Variants in FRMD4A observed in about 807,000 individuals in gnomAD.
The protein encoded by FRMD4A is FERM domain containing 4A.
In FRMD4A, 29 loss-of-function variants were observed where a neutral mutation model predicts 129.1. The ratio of observed to expected loss-of-function variants is 0.22; its 90% CI spans 0.17 to 0.31. The LOEUF (loss-of-function observed/expected upper bound fraction) is 0.31, where lower values mean the gene tolerates loss of function less well. FRMD4A is among the 10% of genes least tolerant of loss of function. FRMD4A has a pLI of 1.00. For missense variants in FRMD4A, 1,272 were observed against 1,375.8 expected (o/e 0.92, Z 1.19); for synonymous variants, 634 against 571.6 (o/e 1.11, Z -1.56).
intron 2 of FRMD4A, among the ~76,000 whole-genome samples, chr10:14,318,162 C>G (rs1445934052): frequency 6.6e-6 from 1 of 152,112 alleles, no homozygotes; most frequent in African/African-American, 2.4e-5. Context: ...TAATGACCAA[C>G]TAGGTTAATG....
intron 2 of FRMD4A, among the ~76,000 whole-genome samples, chr10:14,313,503 C>G (rs1292514881): frequency 6.6e-6 from 1 of 152,214 alleles, no homozygotes; most frequent in Non-Finnish European, 1.5e-5. Context: ...CATATTGCCT[C>G]TTTGTGTACA....
chr10:13,682,661 C>T (rs2018835), intron 15 of FRMD4A, among the ~76,000 whole-genome samples: 35,214 of 151,690 alleles, frequency 0.23, 4,948 homozygotes, highest in East Asian at 0.48. Flanking sequence ...CCACCACGCC[C>T]GGCTAATTTT....
intron 2 of FRMD4A, among the ~76,000 whole-genome samples, chr10:14,293,378 T>A (rs1266605264): frequency 2.0e-5 from 3 of 152,174 alleles, no homozygotes; most frequent in Non-Finnish European, 4.4e-5. Context: ...CCTCCAGAAC[T>A]GTGAGCCAAA....
chr10:13,690,560 C>T (rs1589392329), intron 15 of FRMD4A, among the ~76,000 whole-genome samples: 1 of 152,250 alleles, frequency 6.6e-6, no homozygotes, highest in South Asian at 2.1e-4. Context: ...GGAGCCTCCA[C>T]CCTGGCACTA....
intron 21 of FRMD4A, among the ~76,000 whole-genome samples, chr10:13,657,792 T>TTTTTTTG (rs2082300782): frequency 6.7e-6 from 1 of 150,246 alleles, no homozygotes; most frequent in African/African-American, 2.4e-5. Context: ...TTCTGGGTTT[T>TTTTTTTG]TTTTTTTTTT....
intron 2 of FRMD4A, among the ~76,000 whole-genome samples, chr10:13,969,981 T>C (rs988548209): frequency 7.9e-5 from 12 of 152,194 alleles, no homozygotes; most frequent in Non-Finnish European, 1.5e-5. Context: ...CATACCCAGC[T>C]TGGGGACTTT....
At chr10:13,994,769 G>C (rs1441748104) in intron 2 of FRMD4A, among the ~76,000 whole-genome samples, 1 of 152,154 alleles carries the variant, frequency 6.6e-6, no homozygotes, top group Non-Finnish European at 1.5e-5. Flanking sequence ...TGTAAAGTTA[G>C]AAGATCCAGG....
intron 2 of FRMD4A, among the ~76,000 whole-genome samples, chr10:14,080,831 G>A (rs1835887226): frequency 1.3e-5 from 2 of 151,702 alleles, no homozygotes; most frequent in African/African-American, 4.8e-5. Flanking sequence ...GGCTTGGATT[G>A]TCAAAATAAG....
chr10:13,772,351 C>A (rs1438703431), intron 6 of FRMD4A, among the ~76,000 whole-genome samples: 1 of 151,810 alleles, frequency 6.6e-6, no homozygotes. Flanking sequence ...CTACACCAGA[C>A]TCTAAGGTTA....
At chr10:13,981,455 G>T (rs1454841703) in intron 2 of FRMD4A, among the ~76,000 whole-genome samples, 1 of 152,090 alleles carries the variant, frequency 6.6e-6, no homozygotes, top group Non-Finnish European at 1.5e-5. Context: ...GAATACTTAA[G>T]GGAGGCCAGG....
intron 2 of FRMD4A, among the ~76,000 whole-genome samples, chr10:14,034,578 T>C (rs951035986): frequency 1.3e-5 from 2 of 152,138 alleles, no homozygotes; most frequent in Non-Finnish European, 2.9e-5. Context: ...AAATGAAATA[T>C]TTTCATGAGA....
At position 14,012,608 on chromosome 10, in the gene FRMD4A, C is replaced by A. The variant is rs541153816; in HGVS notation, c.46-153696G>T. Among the ~76,000 whole-genome samples, 237 of 152,254 alleles carry A rather than the reference C, an allele frequency of 1.6e-3. 1 individual carries two copies. In the South Asian group the frequency reaches 0.032, roughly 21 times the overall value. The stretch of plus-strand genomic sequence containing the variant: ...AGTCTGCCGAGCCAACGTGTATGCA[C>A]GGTCACAGGAGCAGACTCATAGATG... On this transcript the variant is annotated intron_variant, in intron 2 of 24. Coordinates refer to ENST00000357447, the MANE Select transcript of FRMD4A (RefSeq NM_018027.5).
At chr10:14,097,834 A>T (rs1171704978) in intron 2 of FRMD4A, among the ~76,000 whole-genome samples, 2 of 149,374 alleles carry the variant, frequency 1.3e-5, no homozygotes, top group Non-Finnish European at 3.0e-5. Flanking sequence ...AATAGCTATG[A>T]CTTCTTGAAC....
chr10:14,155,178 C>T (rs1840533693), intron 2 of FRMD4A, among the ~76,000 whole-genome samples: 1 of 152,106 alleles, frequency 6.6e-6, no homozygotes. Context: ...GTTTATCGTC[C>T]CAGCTACTCG....
chr10:13,920,822 A>AT (rs368629573), intron 2 of FRMD4A, among the ~76,000 whole-genome samples: 11,138 of 151,454 alleles, frequency 0.074, 1,055 homozygotes, highest in African/African-American at 0.21. Context: ...TGCTTTTATT[A>AT]TTTTTTTTTA....
At chr10:14,115,650 C>T (rs972194999) in intron 2 of FRMD4A, among the ~76,000 whole-genome samples, 24 of 152,122 alleles carry the variant, frequency 1.6e-4, no homozygotes, top group African/African-American at 4.8e-4. Flanking sequence ...AGTGAGTTCT[C>T]GCTCTTAGTT....
chr10:14,031,729 T>G (rs17224708), intron 2 of FRMD4A, among the ~76,000 whole-genome samples: 4,346 of 152,208 alleles, frequency 0.029, 101 homozygotes, highest in Admixed American at 0.065. Flanking sequence ...ATGTGACGAC[T>G]ACTACCATTG....
chr10:14,235,370 G>A (rs781561475), intron 2 of FRMD4A, among the ~76,000 whole-genome samples: 8 of 151,370 alleles, frequency 5.3e-5, no homozygotes, highest in Non-Finnish European at 1.0e-4. Flanking sequence ...GTATGGTCTC[G>A]ATCTCCTGAC....
intron 2 of FRMD4A, among the ~76,000 whole-genome samples, chr10:14,174,920 G>GTGTGT (rs1841660926): frequency 8.2e-6 from 1 of 121,704 alleles, no homozygotes; most frequent in Admixed American, 8.5e-5. Flanking sequence ...TGTGTGTGTG[G>GTGTGT]ACGCGCGCGT....
Sources: gnomAD v4.1 joint callset for allele counts (sites outside exome capture counted in the v4.1 genomes callset) on GRCh38, gnomAD v4.1.1 for gene constraint, MANE v1.5 for transcripts, NCBI Gene and HGNC (gene_info 2026-07-23, HGNC 2026-07-21) for gene names.